VRK2: variants seen among roughly 807,000 people sequenced by gnomAD.
VRK2 encodes the protein VRK serine/threonine kinase 2.
A neutral mutation model predicts 57.6 loss-of-function variants in VRK2; 60 were observed. The observed-to-expected ratio is 1.04, with a 90% CI of 0.85 to 1.29. VRK2 has a LOEUF of 1.29. VRK2 is among the 50% of genes most tolerant of loss of function. The pLI is 0.00. For missense variants in VRK2, 705 were observed against 588.1 expected (o/e 1.20, Z -2.06); for synonymous variants, 231 against 199.2 (o/e 1.16, Z -1.35).
chr2:57,951,971 C>A (rs1671440953), intron 1 of VRK2, among the ~76,000 whole-genome samples: 1 of 144,134 alleles, frequency 6.9e-6, no homozygotes, highest in African/African-American at 2.6e-5. Context: ...ATTGCTCAAG[C>A]TGGTGTTGCA....
chr2:57,958,515 A>T (rs756610947), intron 1 of VRK2, among the ~76,000 whole-genome samples: 20 of 151,816 alleles, frequency 1.3e-4, no homozygotes, highest in Non-Finnish European at 2.6e-4. Flanking sequence ...TATATATCAC[A>T]TATATATGAT....
chr2:58,106,438 A>G (rs902214746), intron 7 of VRK2, among the ~76,000 whole-genome samples: 2 of 152,018 alleles, frequency 1.3e-5, no homozygotes, highest in African/African-American at 4.8e-5. Context: ...ATCATTTATA[A>G]TATTACTAAA....
In VRK2 at chr2:58,079,771, C is replaced by T. The variant is rs143915269; in HGVS notation, c.137-4318C>T. 3.5e-3 allele frequency among the ~76,000 whole-genome samples: 537 copies of T among 152,032 alleles called. 2 individuals are homozygous for T. The highest frequency in any genetic ancestry group is 0.014 in the Middle Eastern group (4 of 294). On this transcript the variant is annotated intron_variant, in intron 2 of 12. Transcript: ENST00000340157. ...CTCAACTCTGGAATCAGCCATTTCT[C>T]CAAGGAGCCCTGATTCATTTCATTG...
intron 8 of VRK2, among the ~76,000 whole-genome samples, chr2:58,129,286 G>A (rs991536134): frequency 4.6e-5 from 7 of 152,046 alleles, no homozygotes; most frequent in African/African-American, 1.7e-4. Context: ...GCAAATACAT[G>A]ACTCAGAAAC....
chr2:57,931,404 CTATTTG>C (rs1192966947), intron 1 of VRK2, among the ~76,000 whole-genome samples: 1 of 152,012 alleles, frequency 6.6e-6, no homozygotes, highest in Non-Finnish European at 1.5e-5. Context: ...CACCTATTGG[CTATTTG>C]TATTCTTCTT....
chr2:57,914,622 A>G (rs2103890431), intron 1 of VRK2, among the ~76,000 whole-genome samples: 1 of 152,248 alleles, frequency 6.6e-6, no homozygotes, highest in East Asian at 1.9e-4. Context: ...GTGTTAAACA[A>G]CTCAGGTAAG....
At chr2:58,043,670 G>T (rs1015839446), upstream of VRK2, among the ~76,000 whole-genome samples, 1 of 152,042 alleles carries the variant, frequency 6.6e-6, no homozygotes, top group Non-Finnish European at 1.5e-5. Flanking sequence ...TCCAGTTTTG[G>T]CTATCACATA....
chr2:58,099,217 A>G (rs1405867547), intron 7 of VRK2, among the ~76,000 whole-genome samples: 1 of 152,088 alleles, frequency 6.6e-6, no homozygotes, highest in Non-Finnish European at 1.5e-5. Flanking sequence ...TCAGTGGTGC[A>G]GATGCTCACA....
chr2:57,945,880 G>A (rs1671246872), intron 1 of VRK2, among the ~76,000 whole-genome samples: 1 of 152,160 alleles, frequency 6.6e-6, no homozygotes, highest in Non-Finnish European at 1.5e-5. Context: ...CATGTAAATA[G>A]TGATCTGACA....
At chr2:58,104,051 C>T (rs961574482) in intron 7 of VRK2, among the ~76,000 whole-genome samples, 3 of 151,566 alleles carry the variant, frequency 2.0e-5, no homozygotes, top group Non-Finnish European at 4.4e-5. Flanking sequence ...CCTCTACAAA[C>T]CAGACGTAGA....
Position 58,086,851 on chromosome 2 carries a change from A to T in VRK2, c.344+425A>T, listed in dbSNP as rs115804606. On this transcript the variant is annotated intron_variant, in intron 5 of 12. Coordinates refer to ENST00000340157, the MANE Select transcript of VRK2 (RefSeq NM_006296.7). ...TTTCTCTAGAGCAATTAATTGGGGG[A>T]CGGGGAGAGCATGCACACAAGTGCA... 3.1e-3 allele frequency among the ~76,000 whole-genome samples: 466 copies of T among 152,230 alleles called. 1 individual carries two copies. The highest frequency in any genetic ancestry group is 0.011 in the African/African-American group (444 of 41,534).
intron 1 of VRK2, among the ~76,000 whole-genome samples, chr2:58,004,670 T>A (rs1243465958): frequency 2.0e-5 from 3 of 152,214 alleles, no homozygotes; most frequent in East Asian, 3.8e-4. Context: ...TTTTAAATTA[T>A]GTCCTCTGCC....
chr2:58,004,190 C>T (rs1187768785), intron 1 of VRK2, among the ~76,000 whole-genome samples: 1 of 152,036 alleles, frequency 6.6e-6, no homozygotes, highest in Non-Finnish European at 1.5e-5. Flanking sequence ...GCATACAGCA[C>T]ACACACACAA....
rs575811377 is a variant in VRK2, at chr2:57,936,923, G to A, written c.-439+29084G>A. Among the ~76,000 whole-genome samples the A allele has an allele frequency of 9.2e-5, 14 of 152,180 alleles. No individual in the cohort carries two copies. The South Asian group carries it at 1.7e-3, about 18-fold the overall frequency. The stretch of plus-strand genomic sequence containing the variant: ...CTGGTTATTCTGCTCTCCAGATACC[G>A]CATCCTATTTTACCAAGCTCCTTCC... On this transcript the variant is annotated intron_variant, in intron 1 of 15. Transcript: ENST00000417641.
intron 8 of VRK2, among the ~76,000 whole-genome samples, chr2:58,124,247 T>C (rs879339634): frequency 2.0e-5 from 3 of 152,116 alleles, no homozygotes; most frequent in Non-Finnish European, 2.9e-5. Context: ...CAGAAAGCCA[T>C]GGAAAAGGAA....
chr2:57,929,273 C>A (rs368649767), intron 1 of VRK2, among the ~76,000 whole-genome samples: 2 of 152,204 alleles, frequency 1.3e-5, no homozygotes, highest in Admixed American at 6.5e-5. Context: ...AGCCACACGA[C>A]AGAGTCCTTC....
chr2:57,947,523 G>C (rs957991524), intron 1 of VRK2, among the ~76,000 whole-genome samples: 9 of 152,120 alleles, frequency 5.9e-5, no homozygotes, highest in African/African-American at 1.9e-4. Context: ...ACTGGCAGTG[G>C]AAAATGCTTT....
intron 1 of VRK2, among the ~76,000 whole-genome samples, chr2:58,004,682 A>G (rs533826319): frequency 2.0e-5 from 3 of 152,300 alleles, no homozygotes; most frequent in African/African-American, 7.2e-5. Context: ...TCCTCTGCCA[A>G]AGAAAAGTAT....
At chr2:58,157,949 G>T (rs1684220725) in intron 12 of VRK2, among the ~76,000 whole-genome samples, 1 of 152,132 alleles carries the variant, frequency 6.6e-6, no homozygotes, top group Non-Finnish European at 1.5e-5. Context: ...TCCTGTTATA[G>T]ACTATCCTAA....
Sources: allele counts gnomAD v4.1 joint callset (sites outside exome capture counted in the v4.1 genomes callset), GRCh38; gene constraint gnomAD v4.1.1; transcripts MANE v1.5; gene names NCBI Gene and HGNC (gene_info 2026-07-23, HGNC 2026-07-21).